The following IL7 variants were observed in gnomAD, a reference collection of about 807,000 sequenced individuals.
IL7 encodes the protein interleukin-7.
In IL7, 3 loss-of-function variants were observed where a neutral mutation model predicts 21.6. The ratio of observed to expected loss-of-function variants is 0.14; its 90% confidence interval spans 0.06 to 0.36. The LOEUF (loss-of-function observed/expected upper bound fraction) is 0.36, where lower values mean the gene tolerates loss of function less well. Ranked by LOEUF, IL7 falls within the 10% of genes least tolerant of loss-of-function variation. The pLI, the probability that IL7 is intolerant of heterozygous loss-of-function variation, is 1.00. For synonymous variants in IL7, 62 were observed against 68.1 expected (o/e 0.91, Z 0.44); for missense variants, 175 against 200.2 (o/e 0.87, Z 0.76).
intron 3 of IL7, among the ~76,000 whole-genome samples, chr8:78,708,066 C>T (rs1003940935): frequency 6.6e-6 from 1 of 152,108 alleles, no homozygotes; most frequent in Non-Finnish European, 1.5e-5. Context: ...ACAGAATTAT[C>T]ATCTGGTACC....
chr8:78,726,169 T>C (rs549596334), intron 3 of IL7, among the ~76,000 whole-genome samples: 2 of 152,116 alleles, frequency 1.3e-5, no homozygotes, highest in South Asian at 4.1e-4. Flanking sequence ...AAGTGATATT[T>C]GAGCACAGAC....
At chr8:78,768,616 G>T (rs1397899746) in intron 2 of IL7, among the ~76,000 whole-genome samples, 42 of 151,246 alleles carry the variant, frequency 2.8e-4, no homozygotes, top group African/African-American at 9.7e-4. Flanking sequence ...TTTGATGGGG[G>T]TGTTTGTTTT....
chr8:78,763,882 C>A (rs1812662171), intron 2 of IL7, among the ~76,000 whole-genome samples: 1 of 152,042 alleles, frequency 6.6e-6, no homozygotes, highest in Non-Finnish European at 1.5e-5. Flanking sequence ...GAAAATAAAA[C>A]TATAGACAAG....
chr8:78,725,151 A>G (rs1586044065), intron 3 of IL7, among the ~76,000 whole-genome samples: 2 of 152,044 alleles, frequency 1.3e-5, no homozygotes, highest in African/African-American at 4.8e-5. Context: ...GCGAGGGAGT[A>G]TTCATGTGAC....
intron 3 of IL7, chr8:78,689,185 T>C (rs1872072): frequency 0.73 from 995,430 of 1,366,226 alleles, 368,210 homozygotes; most frequent in East Asian, 0.92. Context: ...TTTCAAGTAC[T>C]ATGCTATTAA....
At chr8:78,690,148 C>T (rs1810159714) in intron 3 of IL7, among the ~76,000 whole-genome samples, 1 of 152,088 alleles carries the variant, frequency 6.6e-6, no homozygotes, top group Non-Finnish European at 1.5e-5. Flanking sequence ...CTGTTCTGTT[C>T]CATTGATTTA....
intron 2 of IL7, among the ~76,000 whole-genome samples, chr8:78,746,131 C>T (rs1811970832): frequency 6.6e-6 from 1 of 152,116 alleles, no homozygotes; most frequent in Admixed American, 6.5e-5. Flanking sequence ...ATTATTTAGC[C>T]TACTATAGAG....
chr8:78,777,340 GACA>G (rs1054719436), intron 2 of IL7, among the ~76,000 whole-genome samples: 1 of 152,058 alleles, frequency 6.6e-6, no homozygotes, highest in Admixed American at 6.6e-5. Flanking sequence ...AACAGGCCTT[GACA>G]ACAACAGGCA....
intron 3 of IL7, among the ~76,000 whole-genome samples, chr8:78,687,745 ACATTATATATATTTACGT>A (rs1810055858): frequency 1.5e-5 from 1 of 67,790 alleles, no homozygotes; most frequent in Admixed American, 1.9e-4. Flanking sequence ...TTTATGTAAT[ACATTATATATATTTACGT>A]AAGACATTAT....
chr8:78,746,619 TC>T (rs1218755757), intron 2 of IL7, among the ~76,000 whole-genome samples: 1 of 152,186 alleles, frequency 6.6e-6, no homozygotes, highest in East Asian at 1.9e-4. Flanking sequence ...AGGTGGAGTA[TC>T]TTTGTGCATA....
At chr8:78,777,158 T>C in intron 2 of IL7, among the ~76,000 whole-genome samples, 1 of 152,102 alleles carries the variant, frequency 6.6e-6, no homozygotes, top group Non-Finnish European at 1.5e-5. Context: ...GTAAAGAAGC[T>C]AGATAATAAA....
intron 3 of IL7, among the ~76,000 whole-genome samples, chr8:78,722,741 C>T (rs1363129073): frequency 6.6e-6 from 1 of 151,828 alleles, no homozygotes; most frequent in African/African-American, 2.4e-5. Context: ...ATTGGCTTAT[C>T]CTTGACACAT....
chr8:78,695,290 C>T (rs1306831944), intron 3 of IL7, among the ~76,000 whole-genome samples: 2 of 152,094 alleles, frequency 1.3e-5, no homozygotes, highest in African/African-American at 2.4e-5. Flanking sequence ...GAAAGCAAAA[C>T]ATTTTTTGGA....
intron 2 of IL7, among the ~76,000 whole-genome samples, chr8:78,776,386 C>T (rs77729944): frequency 0.011 from 1,705 of 152,132 alleles, 17 homozygotes; most frequent in South Asian, 0.031. Flanking sequence ...TTAAAATTTA[C>T]GAATTATTTC....
chr8:78,774,482 A>T (rs1227025620), intron 2 of IL7, among the ~76,000 whole-genome samples: 1 of 152,146 alleles, frequency 6.6e-6, no homozygotes, highest in Admixed American at 6.6e-5. Flanking sequence ...TAACAACTGT[A>T]TGTTAATTAA....
intron 2 of IL7, among the ~76,000 whole-genome samples, chr8:78,797,547 A>C (rs530169558): frequency 2.0e-4 from 30 of 152,112 alleles, no homozygotes; most frequent in African/African-American, 7.0e-4. Context: ...AGTTGGCTCT[A>C]AGGTATAAAA....
intron 3 of IL7, chr8:78,686,370 C>A: frequency 9.7e-7 from 1 of 1,034,266 alleles, no homozygotes; most frequent in East Asian, 3.2e-5. Context: ...GATAAGAGAA[C>A]ATTTAAAATG....
At chr8:78,753,831 A>G (rs1247302869) in intron 2 of IL7, among the ~76,000 whole-genome samples, 2 of 152,156 alleles carry the variant, frequency 1.3e-5, no homozygotes, top group African/African-American at 4.8e-5. Context: ...TTAAATAGGG[A>G]AACCTTTCCC....
At chr8:78,777,737 C>A (rs1813178784) in intron 2 of IL7, among the ~76,000 whole-genome samples, 1 of 152,066 alleles carries the variant, frequency 6.6e-6, no homozygotes, top group Non-Finnish European at 1.5e-5. Flanking sequence ...ACATGCCATA[C>A]TCAACAGTGC....
Sources: gnomAD v4.1 joint callset for allele counts (sites outside exome capture counted in the v4.1 genomes callset) on GRCh38, gnomAD v4.1.1 for gene constraint, MANE v1.5 for transcripts, NCBI Gene and HGNC (gene_info 2026-07-23, HGNC 2026-07-21) for gene names.